Variants in PNKP observed in about 807,000 individuals in gnomAD.
PNKP encodes the protein polynucleotide kinase 3'-phosphatase, also known as bifunctional polynucleotide phosphatase/kinase.
A neutral mutation model predicts 66.2 loss-of-function variants in PNKP; 82 were observed. The observed-to-expected ratio is 1.24, with a 90% CI of 1.04 to 1.49. The LOEUF (loss-of-function observed/expected upper bound fraction) is 1.49, where lower values mean the gene tolerates loss of function less well. Among genes scored for constraint, PNKP ranks in the 40% most tolerant of loss-of-function variants. The pLI, the probability that PNKP is intolerant of heterozygous loss-of-function variation, is 0.00. For synonymous variants in PNKP, 412 were observed against 298.9 expected, an observed-to-expected ratio of 1.38 and a Z score of -3.90; for missense variants, 907 against 706.8, an observed-to-expected ratio of 1.28 and a Z score of -3.21.
intron 12 of PNKP, 29 bp downstream of exon 12, chr19:49,862,156 G>A: frequency 6.2e-7 from 1 of 1,613,610 alleles, no homozygotes; most frequent in South Asian, 1.1e-5. Flanking sequence ...GCGGGGCTCA[G>A]GGCACGCGCA....
Position 49,866,381 on chromosome 19 carries a change from T to C in PNKP, c.198+18A>G. 6.2e-7 allele frequency: 1 copy of C among 1,611,844 alleles called. No individual in the cohort carries two copies. The highest frequency in any genetic ancestry group is 8.5e-7 in the Non-Finnish European group (1 of 1,177,872). ...TCCCATCCCCAGGCCTTGCTGGCCC[T>C]TGCAGAGGCACTGATACCTGTTTCA... is the stretch of plus-strand genomic sequence containing the variant. On this transcript the variant is annotated intron_variant, in intron 3 of 16. Transcript: ENST00000322344.
chr19:49,862,715 G>A lies in PNKP; in HGVS notation c.840C>T (p.Ser280=), dbSNP rs754505243. The change falls in exon 9 of 17, where the codon TCC becomes TCT. Residue 280 remains serine, a synonymous_variant. Coordinates refer to ENST00000322344, the MANE Select transcript of PNKP (RefSeq NM_007254.4). The part of the protein sequence containing the change: ...QEQANDGTPI[S]IGDSIFVGDA... ...CTCCCACAAAGATGCTGTCCCCGAT[G>A]GATATGGGCGTGCCGTCGTTGGCCT... The A allele has an allele frequency of 6.2e-7, 1 of 1,614,124 alleles. No individual in the cohort carries two copies. The highest frequency in any genetic ancestry group is 1.7e-5 in the Admixed American group (1 of 60,028).
chr19:49,862,786 C>A, intron 8 of PNKP, 48 bp from the exon 9 acceptor site: 1 of 1,605,500 alleles, frequency 6.2e-7, no homozygotes. Flanking sequence ...TGTCCCCCCG[C>A]AGCGGTAGCG....
chr19:49,862,313 C>T (rs768625129), intron 11 of PNKP, 32 bp from the exon 12 acceptor site: 7 of 1,544,154 alleles, frequency 4.5e-6, no homozygotes, highest in Non-Finnish European at 6.1e-6. Flanking sequence ...CGTGAGATGC[C>T]GTCCCCATCC....
At chr19:49,867,321 C>T (rs1267910368) in intron 1 of PNKP, 104 bp from the exon 2 acceptor site, 2 of 1,199,762 alleles carry the variant, frequency 1.7e-6, no homozygotes, top group Admixed American at 2.4e-5. Flanking sequence ...CCATTAACTG[C>T]TCCGGAAGTC....
intron 3 of PNKP, 194 bp downstream of exon 3, chr19:49,866,205 G>T (rs1020573051): frequency 1.4e-5 from 9 of 662,370 alleles, no homozygotes; most frequent in Non-Finnish European, 2.5e-5. Flanking sequence ...TCACCATGTC[G>T]CTCAGGCTGG....
chr19:49,862,326 G>A lies in PNKP; in HGVS notation c.1029+45C>T, dbSNP rs1438971018. On this transcript the variant is annotated intron_variant, in intron 11 of 16. Transcript: ENST00000322344. ...CGCGTGAGATGCCGTCCCCATCCCCGGGAGCCCTCCCATCCCCACCCCCAC... is the reference window on the plus strand; with the variant it reads ...CGCGTGAGATGCCGTCCCCATCCCCAGGAGCCCTCCCATCCCCACCCCCAC... 2.6e-6 allele frequency: 4 copies of A among 1,536,356 alleles called. No individual in the cohort carries two copies. The South Asian group carries it at 3.6e-5, about 14-fold the overall frequency.
Position 49,861,697 on chromosome 19 carries a change from T to C in PNKP, c.1299-2A>G, listed in dbSNP as rs2122319491. On this transcript the variant is annotated splice_acceptor_variant, in intron 14 of 16. Transcript: ENST00000322344. LOFTEE classifies it high-confidence loss of function. ...GCGGCTCGGGCACACTGGACGTACC[T>C]GTGGGGGAAGGAGCTGGATGTGCAG... The C allele has an allele frequency of 3.2e-6, 5 of 1,547,694 alleles. No individual in the cohort carries two copies. The East Asian group carries it at 1.2e-4, about 38-fold the overall frequency.
intron 7 of PNKP, 65 bp from the exon 8 acceptor site, chr19:49,863,825 C>G: frequency 1.4e-6 from 2 of 1,471,446 alleles, no homozygotes; most frequent in Non-Finnish European, 1.9e-6. Context: ...GCCACCCCAG[C>G]CCAGAATTTG....
intron 2 of PNKP, chr19:49,866,699 T>TA (rs2122343675): frequency 1.6e-6 from 1 of 620,216 alleles, no homozygotes; most frequent in Non-Finnish European, 2.9e-6. Context: ...TGTGGCTAGA[T>TA]ATAGGTCCGG....
rs781413617 is a variant in PNKP, at chr19:49,861,785, CG to C, written c.1284del (p.Ala429ArgfsTer38). Reference sequence around the variant, plus strand: ...CGGTCACGCTACCTGGCGCGGCTCGCGGCGTCTGGGTTTGTGTTGTCGATGG... The same window carrying C: ...CGGTCACGCTACCTGGCGCGGCTCGCGCGTCTGGGTTTGTGTTGTCGATGG... ...RVAIDNTNPD[A>X]ASRARYVQCA... On this transcript the variant is annotated frameshift_variant, in exon 14 of 17. Coordinates refer to ENST00000322344, the MANE Select transcript of PNKP (RefSeq NM_007254.4). LOFTEE classifies it high-confidence loss of function. The C allele has an allele frequency of 1.3e-6, 2 of 1,566,094 alleles. No homozygotes were observed. Among genetic ancestry groups the C allele is most frequent in the African/African-American group, 1.4e-5 (1 of 73,422 alleles).
At chr19:49,867,275 C>T in intron 1 of PNKP, 58 bp from the exon 2 acceptor site, 3 of 1,483,280 alleles carry the variant, frequency 2.0e-6, no homozygotes, top group Non-Finnish European at 2.7e-6. Flanking sequence ...TGCAGGAAGT[C>T]CCGCCTCCTC....
Position 49,864,041 on chromosome 19 carries a change from C to T in PNKP, c.667G>A (p.Gly223Arg), listed in dbSNP as rs764562312. The T allele has an allele frequency of 5.0e-6, 8 of 1,613,826 alleles. No individual in the cohort carries two copies. Among genetic ancestry groups the T allele is most frequent in the African/African-American group, 2.7e-5 (2 of 74,928 alleles). The change falls in exon 7 of 17, where the codon GGG (glycine) becomes AGG (arginine). Residue 223 changes from glycine (G) to arginine (R), a missense_variant. Physicochemically the swap from Gly to Arg is moderately radical, Grantham distance 125 (BLOSUM62 -2). Transcript: ENST00000322344. ...TCCTCGGCTGGCAGCTTCCCGCGCC[C>T]GATGCTCATCTGGTTGGTGAAGATC... ...LVIFTNQMSI[G>R]RGKLPAEEFK...
At chr19:49,862,160 A>G in intron 12 of PNKP, 25 bp downstream of exon 12, 2 of 1,613,552 alleles carry the variant, frequency 1.2e-6, no homozygotes, top group Non-Finnish European at 1.7e-6. Context: ...GGCTCAGGGC[A>G]CGCGCACAGG....
chr19:49,861,872 C>G lies in PNKP; in HGVS notation c.1198G>C (p.Gly400Arg), dbSNP rs1568659304. ...GTGGTCACACAGCGCTGCCAGGAGC[C>G]TAGCGTGTCCTGGGGACACGAGAGG... ...GYVHVNRDTL[G>R]SWQRCVTTCE... The change falls in exon 14 of 17, where the codon GGC becomes CGC. Residue 400 changes from glycine to arginine, a missense_variant. By Grantham distance (125) the Gly-to-Arg change is moderately radical. Coordinates refer to ENST00000322344, the MANE Select transcript of PNKP (RefSeq NM_007254.4). The G allele has an allele frequency of 1.3e-6, 2 of 1,589,404 alleles. No homozygotes were observed. The highest frequency in any genetic ancestry group is 1.7e-6 in the Non-Finnish European group (2 of 1,170,892).
intron 8 of PNKP, among the ~76,000 whole-genome samples, chr19:49,863,331 C>T (rs957060802): frequency 6.6e-6 from 1 of 152,244 alleles, no homozygotes; most frequent in African/African-American, 2.4e-5. Context: ...CTCCCTCCTG[C>T]TGTTTTACAC....
In PNKP at chr19:49,866,478, A is replaced by T. The variant is rs372178999; in HGVS notation, c.152-33T>A. On this transcript the variant is annotated intron_variant, in intron 2 of 16. Coordinates refer to ENST00000322344, the MANE Select transcript of PNKP (RefSeq NM_007254.4). ...TTGGAGGGGTGGAGTCAGGATTTGC[A>T]TCCTTGTGTGATTGGGTCCCTCATT... is the stretch of plus-strand genomic sequence containing the variant. The T allele has an allele frequency of 7.6e-5, 123 of 1,610,526 alleles. No individual in the cohort carries two copies. In the African/African-American group the frequency reaches 1.5e-3, roughly 20 times the overall value.
chr19:49,865,073 T>A, intron 4 of PNKP, 54 bp downstream of exon 4: 1 of 1,506,472 alleles, frequency 6.6e-7, no homozygotes, highest in Non-Finnish European at 9.2e-7. Context: ...GCAACAAACG[T>A]GGGATTGGGT....
Position 49,861,675 on chromosome 19 carries a change from G to C in PNKP, c.1319C>G (p.Ala440Gly), listed in dbSNP as rs377688490. 2 of 1,547,762 alleles carry C rather than the reference G, an allele frequency of 1.3e-6. No homozygotes were observed. Among genetic ancestry groups the C allele is most frequent in the Middle Eastern group, 1.8e-4 (1 of 5,622 alleles). The part of the protein sequence containing the change: ...SRARYVQCAR[A>G]AGVPCRCFLF... ...GAAGCAGCGGCAGGGGACGCCCGCGGCTCGGGCACACTGGACGTACCTGTG... is the reference window on the plus strand; with the variant it reads ...GAAGCAGCGGCAGGGGACGCCCGCGCCTCGGGCACACTGGACGTACCTGTG... The change falls in exon 15 of 17, where the codon GCC (alanine) becomes GGC (glycine). Residue 440 changes from alanine (A) to glycine (G), a missense_variant. By Grantham distance (60) the Ala-to-Gly change is moderately conservative (BLOSUM62 0). Coordinates refer to ENST00000322344, the MANE Select transcript of PNKP (RefSeq NM_007254.4).
Sources: gnomAD v4.1 joint callset for allele counts (sites outside exome capture counted in the v4.1 genomes callset) on GRCh38, gnomAD v4.1.1 for gene constraint, MANE v1.5 for transcripts, NCBI Gene and HGNC (gene_info 2026-07-23, HGNC 2026-07-21) for gene names.